ALDH1A2: variants seen among roughly 807,000 people sequenced by gnomAD.
ALDH1A2 encodes the protein retinal dehydrogenase 2.
In ALDH1A2, 27 loss-of-function variants were observed where a neutral mutation model predicts 60.3. The observed-to-expected ratio is 0.45, with a 90% CI of 0.33 to 0.62. ALDH1A2 has a LOEUF of 0.62. Ranked by LOEUF, ALDH1A2 falls within the 20% of genes least tolerant of loss-of-function variation. ALDH1A2 has a pLI of 0.02. For synonymous variants in ALDH1A2, 289 were observed against 232.4 expected (o/e 1.24, Z -2.21); for missense variants, 581 against 643.8 (o/e 0.90, Z 1.06).
At chr15:58,045,507 A>G (rs975596966) in intron 1 of ALDH1A2, among the ~76,000 whole-genome samples, 2 of 152,146 alleles carry the variant, frequency 1.3e-5, no homozygotes, top group East Asian at 3.9e-4. Flanking sequence ...ATGTCCATCA[A>G]TGATAGACTG....
chr15:57,992,726 A>C lies in ALDH1A2; in HGVS notation c.777T>G (p.Ile259Met), dbSNP rs889877671. 1 of 1,614,008 alleles carries C rather than the reference A, an allele frequency of 6.2e-7. No homozygotes were observed. Among genetic ancestry groups the C allele is most frequent in the Admixed American group, 1.7e-5 (1 of 59,998 alleles). The change falls in exon 7 of 13, where the codon ATT becomes ATG. Residue 259 changes from isoleucine to methionine, a missense_variant. Physicochemically the swap from Ile to Met is conservative, Grantham distance 10. This residue lies in a region of ALDH1A2 where 375 missense variants were observed against 469.7 expected (regional missense o/e 0.80). Coordinates refer to ENST00000249750, the MANE Select transcript of ALDH1A2 (RefSeq NM_003888.4). ...CTACCTCAGTAGACCCTGTGAATGC[A>C]ATCTTGTCTATGCCAATGTGAGAAG... Reference protein sequence around the residue: ...AIASHIGIDKIAFTGSTEVGK... With the variant: ...AIASHIGIDKMAFTGSTEVGK...
At chr15:57,957,381 G>C (rs1893563162) in intron 12 of ALDH1A2, among the ~76,000 whole-genome samples, 1 of 152,212 alleles carries the variant, frequency 6.6e-6, no homozygotes, top group Non-Finnish European at 1.5e-5. Context: ...GGGACCAGGA[G>C]ACTGAGAGAC....
intron 1 of ALDH1A2, among the ~76,000 whole-genome samples, chr15:58,056,185 G>A (rs1896890956): frequency 6.6e-6 from 1 of 152,060 alleles, no homozygotes; most frequent in Non-Finnish European, 1.5e-5. Context: ...TACAGTGGCC[G>A]CCTAGAGGTA....
intron 8 of ALDH1A2, 107 bp downstream of exon 8, chr15:57,965,618 C>T: frequency 1.1e-6 from 1 of 893,562 alleles, no homozygotes; most frequent in Non-Finnish European, 1.9e-6. Context: ...TTTTGATTGC[C>T]CTTAGCTTCA....
intron 1 of ALDH1A2, among the ~76,000 whole-genome samples, chr15:58,062,579 A>G (rs1430511455): frequency 2.0e-5 from 3 of 152,344 alleles, no homozygotes; most frequent in Admixed American, 1.3e-4. Flanking sequence ...GCTCAAGGCA[A>G]TCAGAATGCA....
intron 1 of ALDH1A2, among the ~76,000 whole-genome samples, chr15:58,021,935 G>A (rs1463298751): frequency 6.6e-6 from 1 of 152,210 alleles, no homozygotes; most frequent in African/African-American, 2.4e-5. Flanking sequence ...GTTAGGTGCA[G>A]GCTACCGCCA....
chr15:58,019,393 A>G (rs1895864937), intron 1 of ALDH1A2, among the ~76,000 whole-genome samples: 1 of 152,158 alleles, frequency 6.6e-6, no homozygotes, highest in South Asian at 2.1e-4. Context: ...AAACCAGAAT[A>G]TTTTGCTTTG....
intron 7 of ALDH1A2, among the ~76,000 whole-genome samples, chr15:57,981,111 C>G (rs1894487404): frequency 6.6e-6 from 1 of 152,036 alleles, no homozygotes; most frequent in Non-Finnish European, 1.5e-5. Flanking sequence ...TTCTCTTTTT[C>G]TCTTTATTAG....
rs34981600 is a variant in ALDH1A2 at position 58,054,228 on chromosome 15, CA to C, written c.117+11305del. Among the ~76,000 whole-genome samples, 22 of 151,920 alleles carry C rather than the reference CA, an allele frequency of 1.4e-4. No individual in the cohort carries two copies. In the East Asian group the frequency reaches 4.3e-3, roughly 29 times the overall value. ...CACCAAGGGAAGCAGAAGAGAAGCA[CA>C]AAAGGGGAGGAATAAAAAAGGAAAG... On this transcript the variant is annotated intron_variant, in intron 1 of 12. Coordinates refer to ENST00000249750, the MANE Select transcript of ALDH1A2 (RefSeq NM_003888.4).
At chr15:58,050,072 A>G (rs1186460650) in intron 1 of ALDH1A2, among the ~76,000 whole-genome samples, 1 of 152,054 alleles carries the variant, frequency 6.6e-6, no homozygotes, top group African/African-American at 2.4e-5. Context: ...AAAAGCACCC[A>G]GCTTATCTCA....
At chr15:58,035,526 T>C (rs1211279714) in intron 1 of ALDH1A2, among the ~76,000 whole-genome samples, 1 of 151,644 alleles carries the variant, frequency 6.6e-6, no homozygotes, top group Non-Finnish European at 1.5e-5. Context: ...GCTTAGACTA[T>C]TTCTTATTTT....
chr15:57,976,997 A>G (rs1894281094), intron 7 of ALDH1A2, among the ~76,000 whole-genome samples: 2 of 151,874 alleles, frequency 1.3e-5, no homozygotes, highest in Non-Finnish European at 2.9e-5. Context: ...TTTGATTTGC[A>G]TTTCTCTAGT....
intron 1 of ALDH1A2, among the ~76,000 whole-genome samples, chr15:58,033,046 G>C (rs1896287035): frequency 6.6e-6 from 1 of 151,976 alleles, no homozygotes; most frequent in African/African-American, 2.4e-5. Context: ...AGGATGAAGA[G>C]AGGTAGGTTA....
intron 1 of ALDH1A2, among the ~76,000 whole-genome samples, chr15:58,059,269 T>C (rs1190396423): frequency 2.6e-5 from 4 of 152,160 alleles, no homozygotes; most frequent in South Asian, 2.1e-4. Context: ...GATTTGCTGT[T>C]TGGGGGGAAA....
At chr15:57,978,586 A>G (rs1424667333) in intron 7 of ALDH1A2, among the ~76,000 whole-genome samples, 1 of 151,816 alleles carries the variant, frequency 6.6e-6, no homozygotes, top group African/African-American at 2.4e-5. Context: ...CAGAGGTTTT[A>G]TTGTGTTTGG....
intron 1 of ALDH1A2, among the ~76,000 whole-genome samples, chr15:58,015,831 T>C: frequency 6.6e-6 from 1 of 152,226 alleles, no homozygotes; most frequent in East Asian, 1.9e-4. Context: ...CAGAACTAGT[T>C]AATGTCCAAG....
chr15:58,023,396 A>C (rs1239737453), intron 1 of ALDH1A2, among the ~76,000 whole-genome samples: 1 of 152,218 alleles, frequency 6.6e-6, no homozygotes, highest in African/African-American at 2.4e-5. Context: ...ACAAAGATGA[A>C]AACTTGCCAA....
At chr15:57,964,109 G>A in intron 8 of ALDH1A2, 40 bp from the exon 9 acceptor site, 1 of 1,611,656 alleles carries the variant, frequency 6.2e-7, no homozygotes, top group East Asian at 2.2e-5. Flanking sequence ...GCTTTGCCTG[G>A]GGAGGGGCCT....
chr15:58,013,746 C>T (rs533796729), intron 3 of ALDH1A2, 112 bp downstream of exon 3: 15 of 1,398,834 alleles, frequency 1.1e-5, no homozygotes, highest in South Asian at 2.9e-5. Flanking sequence ...AGCTAGACTC[C>T]GTCTCAAAAA....
Sources: allele counts gnomAD v4.1 joint callset (sites outside exome capture counted in the v4.1 genomes callset), GRCh38; gene constraint gnomAD v4.1.1; regional missense constraint gnomAD v4.1.1; transcripts MANE v1.5; gene names NCBI Gene and HGNC (gene_info 2026-07-23, HGNC 2026-07-21).